Variants in CTNND2 observed in about 807,000 individuals in gnomAD.
CTNND2 encodes catenin delta 2.
Under a neutral mutation model 144.4 loss-of-function variants are expected in CTNND2, and 22 were observed. That is an observed-to-expected ratio of 0.15 (90% confidence interval 0.11 to 0.22). The LOEUF is 0.22. Ranked by LOEUF, CTNND2 falls within the 10% of genes least tolerant of loss-of-function variation. The probability of loss-of-function intolerance (pLI) is 1.00; values close to 1 mark genes in which losing one functional copy is unlikely to be tolerated. For synonymous variants in CTNND2, 751 were observed against 695.6 expected (o/e 1.08, Z -1.25); for missense variants, 1,353 against 1,618.8 (o/e 0.84, Z 2.82).
chr5:11,463,723 G>A (rs1008109360), intron 3 of CTNND2, among the ~76,000 whole-genome samples: 1 of 151,388 alleles, frequency 6.6e-6, no homozygotes, highest in East Asian at 1.9e-4. Context: ...ATATCATGAC[G>A]CAAAAAGCAA....
chr5:11,234,951 T>C (rs1315820943), intron 10 of CTNND2, among the ~76,000 whole-genome samples: 1 of 152,166 alleles, frequency 6.6e-6, no homozygotes, highest in Non-Finnish European at 1.5e-5. Flanking sequence ...CCATAAAAAC[T>C]CCACGACAGT....
chr5:11,219,345 A>G (rs559149364), intron 10 of CTNND2, among the ~76,000 whole-genome samples: 1 of 152,362 alleles, frequency 6.6e-6, no homozygotes, highest in Admixed American at 6.5e-5. Flanking sequence ...AATTTTTCAA[A>G]TCAGCTAACT....
chr5:11,123,807 G>C (rs1321232070), intron 12 of CTNND2, among the ~76,000 whole-genome samples: 1 of 152,174 alleles, frequency 6.6e-6, no homozygotes, highest in African/African-American at 2.4e-5. Flanking sequence ...AATGTGGAAA[G>C]GTAGAGTACT....
intron 2 of CTNND2, among the ~76,000 whole-genome samples, chr5:11,725,412 T>C (rs922174313): frequency 2.6e-5 from 4 of 152,238 alleles, no homozygotes; most frequent in African/African-American, 4.8e-5. Flanking sequence ...ATTAAATATA[T>C]TGCAGATCAA....
rs1338038542 is a variant in CTNND2, at chr5:11,208,826, A to C, written c.1762-9165T>G. On this transcript the variant is annotated intron_variant, in intron 10 of 21. Coordinates refer to ENST00000304623, the MANE Select transcript of CTNND2 (RefSeq NM_001332.4). Reference sequence around the variant, plus strand: ...ACTTAAAGTCGGGTGGAAAGAACTAAACAAAATATTGGCTACGAACATGAT... The same window carrying C: ...ACTTAAAGTCGGGTGGAAAGAACTACACAAAATATTGGCTACGAACATGAT... Among the ~76,000 whole-genome samples, 5 of 152,310 alleles carry C rather than the reference A, an allele frequency of 3.3e-5. No homozygotes were observed. The South Asian group carries it at 8.3e-4, about 25-fold the overall frequency.
chr5:11,692,277 C>CA (rs964953806), intron 2 of CTNND2, among the ~76,000 whole-genome samples: 6 of 151,186 alleles, frequency 4.0e-5, no homozygotes, highest in Non-Finnish European at 7.4e-5. Flanking sequence ...AAATTTCAAA[C>CA]AAAAAAAAAT....
intron 15 of CTNND2, among the ~76,000 whole-genome samples, chr5:11,092,712 T>C (rs1750892378): frequency 6.6e-6 from 1 of 152,264 alleles, no homozygotes; most frequent in Non-Finnish European, 1.5e-5. Flanking sequence ...TGAGGCACGA[T>C]GCTTCGCGTT....
chr5:11,762,899 A>T (rs1051907368), intron 1 of CTNND2, among the ~76,000 whole-genome samples: 1 of 152,018 alleles, frequency 6.6e-6, no homozygotes, highest in African/African-American at 2.4e-5. Flanking sequence ...AAAATACAGA[A>T]CTCCTTTCCA....
At chr5:11,521,947 T>C (rs1772762859) in intron 3 of CTNND2, among the ~76,000 whole-genome samples, 1 of 152,192 alleles carries the variant, frequency 6.6e-6, no homozygotes, top group African/African-American at 2.4e-5. Flanking sequence ...ATTACATATT[T>C]GAAGATCATT....
intron 2 of CTNND2, among the ~76,000 whole-genome samples, chr5:11,678,756 G>A (rs575565165): frequency 6.6e-6 from 1 of 152,202 alleles, no homozygotes; most frequent in East Asian, 1.9e-4. Flanking sequence ...TATATTAAGA[G>A]TATGGCAAGT....
intron 2 of CTNND2, among the ~76,000 whole-genome samples, chr5:11,680,512 A>G (rs1254286796): frequency 6.6e-6 from 1 of 152,182 alleles, no homozygotes; most frequent in African/African-American, 2.4e-5. Context: ...TGCTGGCCTG[A>G]ATGGGAAGAA....
chr5:11,282,194 C>T (rs750399633), intron 9 of CTNND2, among the ~76,000 whole-genome samples: 3 of 151,888 alleles, frequency 2.0e-5, no homozygotes, highest in East Asian at 1.9e-4. Context: ...AATATCAGCA[C>T]GATCAGTCAA....
At chr5:11,443,719 A>ATT (rs35601755) in intron 3 of CTNND2, among the ~76,000 whole-genome samples, 1 of 151,914 alleles carries the variant, frequency 6.6e-6, no homozygotes, top group African/African-American at 2.4e-5. Flanking sequence ...TAGAAGAAAT[A>ATT]TTTTTTTCAC....
chr5:11,086,113 G>A (rs1750108907), intron 15 of CTNND2, among the ~76,000 whole-genome samples: 2 of 152,160 alleles, frequency 1.3e-5, no homozygotes, highest in African/African-American at 2.4e-5. Context: ...ACCCAGGGCT[G>A]CAGAGGGGTT....
rs369615902 is a variant in CTNND2 at position 11,866,057 on chromosome 5, C to T, written c.37+37760G>A. On this transcript the variant is annotated intron_variant, in intron 1 of 21. Coordinates refer to ENST00000304623, the MANE Select transcript of CTNND2 (RefSeq NM_001332.4). ...GTGGCTCACACCTGTAATCCCAACA[C>T]TATGGGAGGCCAAAGTGGGAGGATC... 2.0e-5 allele frequency among the ~76,000 whole-genome samples: 3 copies of T among 152,272 alleles called. No individual in the cohort carries two copies. In the East Asian group the frequency reaches 5.8e-4, roughly 29 times the overall value.
intron 2 of CTNND2, among the ~76,000 whole-genome samples, chr5:11,707,319 G>A (rs749277907): frequency 7.2e-5 from 11 of 152,090 alleles, no homozygotes; most frequent in Admixed American, 1.3e-4. Context: ...AAACAGAGCC[G>A]GTCTGCCAGT....
intron 2 of CTNND2, among the ~76,000 whole-genome samples, chr5:11,616,495 C>T (rs1258857025): frequency 6.6e-6 from 1 of 151,988 alleles, no homozygotes; most frequent in Non-Finnish European, 1.5e-5. Flanking sequence ...TAATAATATT[C>T]TAATTTCTAC....
At chr5:11,405,775 G>C (rs6875673) in intron 5 of CTNND2, among the ~76,000 whole-genome samples, 4,597 of 152,068 alleles carry the variant, frequency 0.03, 212 homozygotes, top group African/African-American at 0.1. Context: ...CCCGAGGTAG[G>C]GGGGGAAGTG....
Position 11,016,802 on chromosome 5 carries a change from G to A in CTNND2, c.3084+1172C>T, listed in dbSNP as rs180748238. On this transcript the variant is annotated intron_variant, in intron 18 of 21. Coordinates refer to ENST00000304623, the MANE Select transcript of CTNND2 (RefSeq NM_001332.4). Reference sequence around the variant, plus strand: ...ATTTTTTTTTTTGAGATGGAGTCTCGCTCTGTTGCCCAGGCTACAGTCCAG... The same window carrying A: ...ATTTTTTTTTTTGAGATGGAGTCTCACTCTGTTGCCCAGGCTACAGTCCAG... Among the ~76,000 whole-genome samples, 52 of 151,648 alleles carry A rather than the reference G, an allele frequency of 3.4e-4. 1 individual carries two copies. The East Asian group carries it at 9.9e-3, about 29-fold the overall frequency.
Sources: allele counts gnomAD v4.1 joint callset (sites outside exome capture counted in the v4.1 genomes callset), GRCh38; gene constraint gnomAD v4.1.1; transcripts MANE v1.5; gene names NCBI Gene and HGNC (gene_info 2026-07-23, HGNC 2026-07-21).